The following CLDN14 variants were observed in gnomAD, a reference collection of about 807,000 sequenced individuals.
CLDN14 encodes the protein claudin-14.
Under a neutral mutation model 2.1 loss-of-function variants are expected in CLDN14, and 2 were observed. The observed-to-expected ratio is 0.96, with a 90% CI of 0.39 to 3.01. CLDN14 has a LOEUF of 3.01. CLDN14 is among the 30% of genes most tolerant of loss of function. The pLI is 0.09. For missense variants in CLDN14, 298 were observed against 328.0 expected (o/e 0.91, Z 0.71); for synonymous variants, 136 against 154.4 (o/e 0.88, Z 0.88).
In CLDN14 at chr21:36,499,917, G is replaced by A. The variant is rs1012395915; in HGVS notation, c.-82+10446C>T. Among the ~76,000 whole-genome samples, 11 of 152,088 alleles carry A rather than the reference G, an allele frequency of 7.2e-5. No individual in the cohort carries two copies. The highest frequency in any genetic ancestry group is 1.9e-4 in the East Asian group (1 of 5,192). On this transcript the variant is annotated intron_variant, in intron 2 of 2. Transcript: ENST00000342108. This position sits in a 1 kb window ranked among gnomAD's most constrained non-coding sequence, Gnocchi z 4.7. ...ATCGGGGGGTCTCCGGAGCAACCCCGGGAGCAGTACTGGGCCCAGAAGCCT... is the reference window on the plus strand; with the variant it reads ...ATCGGGGGGTCTCCGGAGCAACCCCAGGAGCAGTACTGGGCCCAGAAGCCT...
chr21:36,572,714 C>T (rs1222945648), intron 1 of CLDN14, among the ~76,000 whole-genome samples: 1 of 152,156 alleles, frequency 6.6e-6, no homozygotes, highest in Non-Finnish European at 1.5e-5. Flanking sequence ...GAGTCTGAAA[C>T]TTTGATTTAA....
At chr21:36,514,285 T>C (rs1055574994) in intron 1 of CLDN14, among the ~76,000 whole-genome samples, 3 of 152,192 alleles carry the variant, frequency 2.0e-5, no homozygotes, top group African/African-American at 7.2e-5. Flanking sequence ...GGAAGAATAT[T>C]AGCAGCCTCA....
chr21:36,543,904 T>TA (rs1469138309), intron 1 of CLDN14, among the ~76,000 whole-genome samples: 2 of 152,258 alleles, frequency 1.3e-5, no homozygotes, highest in Non-Finnish European at 2.9e-5. Flanking sequence ...CCTACAGTTC[T>TA]AGTTGATTCC....
intron 1 of CLDN14, among the ~76,000 whole-genome samples, chr21:36,463,573 G>A (rs943678627): frequency 3.3e-5 from 5 of 152,094 alleles, no homozygotes; most frequent in Non-Finnish European, 5.9e-5. Context: ...TTAGCTGATC[G>A]ATGGTTGTGT....
chr21:36,550,806 C>T (rs2087558539), intron 1 of CLDN14, among the ~76,000 whole-genome samples: 1 of 152,236 alleles, frequency 6.6e-6, no homozygotes, highest in East Asian at 1.9e-4. Flanking sequence ...GCTCTGGGGG[C>T]ACCAGCCACG....
At chr21:36,552,983 C>T (rs917710549) in intron 1 of CLDN14, among the ~76,000 whole-genome samples, 1 of 152,214 alleles carries the variant, frequency 6.6e-6, no homozygotes, top group Non-Finnish European at 1.5e-5. Flanking sequence ...CTCAACCTCA[C>T]CTCTAAGTGG....
At position 36,461,760 on chromosome 21, in the gene CLDN14, A is replaced by T; in HGVS notation, c.-65T>A. 6.5e-7 allele frequency: 1 copy of T among 1,533,774 alleles called. No homozygotes were observed. Among genetic ancestry groups the T allele is most frequent in the Non-Finnish European group, 8.8e-7 (1 of 1,141,686 alleles). On this transcript the variant is annotated 5_prime_UTR_variant, in exon 2 of 2. It removes the in-frame stop codon of an upstream open reading frame in the 5' UTR. Transcript: ENST00000399135. ...GGCCCTCGGGGTCACGCCGCTCCTC[A>T]GGTGCCAGCCGGAGCCCTAATGAAG...
chr21:36,528,391 C>T (rs1476804886), intron 1 of CLDN14, among the ~76,000 whole-genome samples: 4 of 152,192 alleles, frequency 2.6e-5, no homozygotes, highest in East Asian at 1.9e-4. Flanking sequence ...GAGCAGGATT[C>T]GAACCCACAG....
At chr21:36,538,483 A>G (rs900200137) in intron 1 of CLDN14, among the ~76,000 whole-genome samples, 12 of 152,262 alleles carry the variant, frequency 7.9e-5, no homozygotes, top group Middle Eastern at 3.4e-3. Flanking sequence ...GTGTGGTGGC[A>G]CACACCTTTA....
intron 2 of CLDN14, among the ~76,000 whole-genome samples, chr21:36,508,386 G>A (rs897103439): frequency 6.6e-6 from 1 of 152,208 alleles, no homozygotes; most frequent in East Asian, 1.9e-4. Flanking sequence ...TTAAGGACAG[G>A]TGGAAATCCT....
intron 1 of CLDN14, among the ~76,000 whole-genome samples, chr21:36,550,275 A>G (rs2146516767): frequency 6.6e-6 from 1 of 152,316 alleles, no homozygotes; most frequent in Admixed American, 6.5e-5. Context: ...GAACTTTCTC[A>G]GGGCTACCCT....
chr21:36,557,507 G>GT (rs1056618661), intron 1 of CLDN14, among the ~76,000 whole-genome samples: 4 of 151,956 alleles, frequency 2.6e-5, no homozygotes, highest in African/African-American at 9.7e-5. Flanking sequence ...TCTCATTGTG[G>GT]TTTTGATTCG....
At chr21:36,532,439 C>T (rs1474193597) in intron 1 of CLDN14, 1 of 151,152 alleles carries the variant, frequency 6.6e-6, no homozygotes, top group Non-Finnish European at 1.5e-5. Flanking sequence ...CACACCGGGG[C>T]CTGTTGTGGG....
At chr21:36,531,818 G>A (rs2146501988) in intron 1 of CLDN14, among the ~76,000 whole-genome samples, 1 of 150,938 alleles carries the variant, frequency 6.6e-6, no homozygotes, top group Admixed American at 6.6e-5. Flanking sequence ...AGGCTATTAT[G>A]TTATGTCCAA....
chr21:36,483,200 A>G (rs1408949609), upstream of CLDN14, among the ~76,000 whole-genome samples: 1 of 152,222 alleles, frequency 6.6e-6, no homozygotes, highest in East Asian at 1.9e-4. Context: ...GCCCCACTGC[A>G]GCCCTTGCAT....
chr21:36,486,759 C>A, intron 2 of CLDN14: 1 of 887,200 alleles, frequency 1.1e-6, no homozygotes, highest in South Asian at 1.4e-5. Flanking sequence ...TTGGGCTTCC[C>A]ACGAAGGCAA....
In CLDN14 at chr21:36,544,278, G is replaced by A. The variant is rs751634652; in HGVS notation, c.-220+32133C>T. Among the ~76,000 whole-genome samples the A allele has an allele frequency of 2.6e-5, 4 of 152,236 alleles. No homozygotes were observed. The highest frequency in any genetic ancestry group is 4.8e-5 in the African/African-American group (2 of 41,466). On this transcript the variant is annotated intron_variant, in intron 1 of 2. Coordinates refer to the CLDN14 transcript ENST00000342108. This position sits in a 1 kb window ranked among gnomAD's most constrained non-coding sequence, Gnocchi z 4.1. ...GAAAAAGGTGGTGGGAAGGACAATG[G>A]CCTTTTCTTGGCTGAGGAGTGCCAG...
intron 1 of CLDN14, among the ~76,000 whole-genome samples, chr21:36,523,809 A>G (rs142588470): frequency 0.41 from 39,995 of 98,376 alleles, 12,891 homozygotes; most frequent in Non-Finnish European, 0.56. Context: ...GAAAGAAAGA[A>G]AGAAAGAAAG....
At chr21:36,518,771 A>G (rs1341584967) in intron 1 of CLDN14, among the ~76,000 whole-genome samples, 3 of 152,184 alleles carry the variant, frequency 2.0e-5, no homozygotes, top group Non-Finnish European at 2.9e-5. Context: ...GTCCCAATTT[A>G]CCCAGAACAG....
Sources: gnomAD v4.1 joint callset for allele counts (sites outside exome capture counted in the v4.1 genomes callset) on GRCh38, gnomAD v4.1.1 for gene constraint, Gnocchi (gnomAD v3.1) non-coding constraint, MANE v1.5 for transcripts, NCBI Gene and HGNC (gene_info 2026-07-23, HGNC 2026-07-21) for gene names.